Variants in SNX29 observed in about 807,000 individuals in gnomAD.
SNX29 encodes sorting nexin-29.
Under a neutral mutation model 102.1 loss-of-function variants are expected in SNX29, and 78 were observed. That is an observed-to-expected ratio of 0.76 (90% confidence interval 0.64 to 0.92). The LOEUF is 0.92. SNX29 is among the 40% of genes least tolerant of loss of function. The pLI is 0.00. For missense variants in SNX29, 1,280 were observed against 1,061.7 expected (o/e 1.21, Z -2.86); for synonymous variants, 580 against 414.5 (o/e 1.40, Z -4.85).
chr16:12,258,263 A>C (rs1037000104), intron 14 of SNX29, among the ~76,000 whole-genome samples: 2 of 151,950 alleles, frequency 1.3e-5, no homozygotes, highest in Non-Finnish European at 2.9e-5. Context: ...CTGACCTGTC[A>C]CCTCGTCTCT....
chr16:12,471,056 A>G (rs1235544814), intron 18 of SNX29, among the ~76,000 whole-genome samples: 1 of 152,170 alleles, frequency 6.6e-6, no homozygotes, highest in Non-Finnish European at 1.5e-5. Flanking sequence ...GTGCGCCTTC[A>G]CACTGCCGTT....
intron 15 of SNX29, among the ~76,000 whole-genome samples, chr16:12,287,564 A>G (rs2079639684): frequency 1.3e-5 from 2 of 152,216 alleles, no homozygotes; most frequent in South Asian, 4.1e-4. Context: ...GATTTCACCC[A>G]TAAGTAGTTA....
intron 19 of SNX29, among the ~76,000 whole-genome samples, chr16:12,487,054 C>G (rs540799372): frequency 6.6e-6 from 1 of 152,192 alleles, no homozygotes. Flanking sequence ...TTTGACCTCT[C>G]TGTGCCTGTT....
intron 19 of SNX29, among the ~76,000 whole-genome samples, chr16:12,519,969 G>C (rs1261221531): frequency 6.6e-6 from 1 of 152,064 alleles, no homozygotes; most frequent in Admixed American, 6.5e-5. Flanking sequence ...GGGCGACAGA[G>C]CGAGACTCTG....
rs1210660433 is a variant in SNX29, at chr16:12,003,073, C to T, written c.122+30C>T. 3.7e-6 allele frequency: 6 copies of T among 1,613,226 alleles called. No individual in the cohort carries two copies. In the East Asian group the frequency reaches 8.9e-5, roughly 24 times the overall value. On this transcript the variant is annotated intron_variant, in intron 3 of 20. Transcript: ENST00000566228. ...ATATGTCACTTCTAAAACCGTTGAC[C>T]ATCGAGGTTGGAAAGGCGGCAGAAG...
At chr16:12,538,807 CAG>C (rs1336877819) in intron 20 of SNX29, among the ~76,000 whole-genome samples, 1 of 152,136 alleles carries the variant, frequency 6.6e-6, no homozygotes, top group Non-Finnish European at 1.5e-5. Context: ...AGGCAGAAAC[CAG>C]AGTCAGTGGG....
intron 11 of SNX29, chr16:12,086,958 C>T (rs1400756043): frequency 6.6e-6 from 1 of 152,044 alleles, no homozygotes; most frequent in African/African-American, 2.4e-5. Flanking sequence ...TCTGGAATAG[C>T]ACGTGTCTCT....
chr16:12,509,749 C>T (rs773093814), intron 19 of SNX29, among the ~76,000 whole-genome samples: 4 of 152,126 alleles, frequency 2.6e-5, no homozygotes, highest in Non-Finnish European at 5.9e-5. Flanking sequence ...TGAGAGCTTG[C>T]CTCTCAAAAT....
intron 19 of SNX29, among the ~76,000 whole-genome samples, chr16:12,489,218 G>A (rs992762270): frequency 3.3e-5 from 5 of 151,748 alleles, no homozygotes; most frequent in African/African-American, 1.2e-4. Flanking sequence ...AACTTCAAAC[G>A]GCAGAAAAAC....
intron 16 of SNX29, among the ~76,000 whole-genome samples, chr16:12,385,682 C>T (rs1245925772): frequency 1.3e-5 from 2 of 152,216 alleles, no homozygotes; most frequent in African/African-American, 2.4e-5. Flanking sequence ...AAAGGAAAAG[C>T]GTGTGTGCTC....
At chr16:12,213,096 A>G (rs1051121279) in intron 14 of SNX29, among the ~76,000 whole-genome samples, 1 of 152,192 alleles carries the variant, frequency 6.6e-6, no homozygotes, top group Non-Finnish European at 1.5e-5. Context: ...CCTGGGTGAC[A>G]GAGTGAGACT....
intron 13 of SNX29, among the ~76,000 whole-genome samples, chr16:12,175,947 A>G (rs1377902807): frequency 1.3e-5 from 2 of 152,202 alleles, no homozygotes; most frequent in East Asian, 1.9e-4. Flanking sequence ...TGGAGGTTAC[A>G]GTGAGCTATG....
At chr16:12,433,857 A>G (rs1050782593) in intron 18 of SNX29, among the ~76,000 whole-genome samples, 4 of 152,168 alleles carry the variant, frequency 2.6e-5, no homozygotes, top group Non-Finnish European at 4.4e-5. Flanking sequence ...ACTAATGATC[A>G]AAGGCCCTAT....
intron 13 of SNX29, among the ~76,000 whole-genome samples, chr16:12,142,293 T>C (rs1378193486): frequency 6.6e-6 from 1 of 152,138 alleles, no homozygotes; most frequent in Non-Finnish European, 1.5e-5. Context: ...GTCGCTGGCT[T>C]TTTCCCTTGG....
chr16:12,562,653 T>C (rs1377857969), intron 20 of SNX29, among the ~76,000 whole-genome samples: 1 of 152,208 alleles, frequency 6.6e-6, no homozygotes, highest in Non-Finnish European at 1.5e-5. Context: ...GGGGCTGTTT[T>C]ATGTCGGGAA....
chr16:12,460,312 C>T (rs527622331), intron 18 of SNX29, among the ~76,000 whole-genome samples: 1 of 152,216 alleles, frequency 6.6e-6, no homozygotes, highest in Non-Finnish European at 1.5e-5. Flanking sequence ...TTAGTATTTT[C>T]AGAGTTGAGT....
intron 19 of SNX29, among the ~76,000 whole-genome samples, chr16:12,490,490 A>G (rs554257770): frequency 6.6e-6 from 1 of 152,240 alleles, no homozygotes; most frequent in Non-Finnish European, 1.5e-5. Context: ...CTCAATTACA[A>G]ATAGTGCTGT....
intron 14 of SNX29, among the ~76,000 whole-genome samples, chr16:12,205,223 A>G (rs547610003): frequency 2.6e-5 from 4 of 152,226 alleles, no homozygotes; most frequent in African/African-American, 7.2e-5. Context: ...AGGCATCCCT[A>G]TGTGCACGGC....
At chr16:11,986,912 GC>G (rs757363968) in intron 1 of SNX29, among the ~76,000 whole-genome samples, 28 of 152,240 alleles carry the variant, frequency 1.8e-4, no homozygotes, top group Non-Finnish European at 3.5e-4. Flanking sequence ...TGGCTCGGGG[GC>G]TATAGTTGAC....
Sources: gnomAD v4.1 joint callset for allele counts (sites outside exome capture counted in the v4.1 genomes callset) on GRCh38, gnomAD v4.1.1 for gene constraint, MANE v1.5 for transcripts, NCBI Gene and HGNC (gene_info 2026-07-23, HGNC 2026-07-21) for gene names.